TMEM101: variants seen among roughly 807,000 people sequenced by gnomAD.
TMEM101 encodes putative NF-kappa-B-activating protein 130.
Under a neutral mutation model 26.0 loss-of-function variants are expected in TMEM101, and 14 were observed. The ratio of observed to expected loss-of-function variants is 0.54; its 90% CI spans 0.36 to 0.84. The LOEUF (loss-of-function observed/expected upper bound fraction) is 0.84, where lower values mean the gene tolerates loss of function less well. Among genes scored for constraint, TMEM101 ranks in the 40% least tolerant of loss-of-function variants. The pLI is 0.01. For synonymous variants in TMEM101, 152 were observed against 145.1 expected (o/e 1.05, Z -0.34); for missense variants, 292 against 345.1 (o/e 0.85, Z 1.22).
chr17:44,023,050 G>T, exon 1 of TMEM101: 1 of 370,154 alleles, frequency 2.7e-6, no homozygotes, highest in East Asian at 1.1e-4. Flanking sequence ...AGACTATGGA[G>T]GATTCACCAC....
rs1243468595 is a variant in TMEM101 at position 44,011,629 on chromosome 17, C to G, written c.*299G>C. 4 of 418,578 alleles carry G rather than the reference C, an allele frequency of 9.6e-6. No individual in the cohort carries two copies. The highest frequency in any genetic ancestry group is 1.7e-5 in the Non-Finnish European group (4 of 231,604). The allele number at this position is 418,578 out of a possible 1,614,324, so 25.9% of individuals were successfully genotyped here. A position where few individuals can be genotyped will look rare whatever the true frequency, so the allele number is the denominator to read the frequency against. Reference sequence around the variant, plus strand: ...CTCTCCCACTCTCAGTAGCCGCATCCCAGCCCTGCCATACTCCCTTCTCAG... The same window carrying G: ...CTCTCCCACTCTCAGTAGCCGCATCGCAGCCCTGCCATACTCCCTTCTCAG... On this transcript the variant is annotated 3_prime_UTR_variant, in exon 4 of 4. Coordinates refer to ENST00000206380, the MANE Select transcript of TMEM101 (RefSeq NM_032376.4).
chr17:44,015,017 C>CGCA (rs2049214009), upstream of TMEM101: 2 of 1,533,768 alleles, frequency 1.3e-6, no homozygotes, highest in South Asian at 2.5e-5. Context: ...GGATGGGACA[C>CGCA]GCAGCTTCCG....
At chr17:44,014,787 G>A (rs772583060) in intron 1 of TMEM101, 29 bp downstream of exon 1, 5 of 1,535,328 alleles carry the variant, frequency 3.3e-6, no homozygotes, top group East Asian at 2.3e-5. Flanking sequence ...GCCCCCTGCC[G>A]CGTTTAGCGG....
upstream of TMEM101, among the ~76,000 whole-genome samples, chr17:44,015,875 T>A (rs1279954540): frequency 6.6e-6 from 1 of 152,100 alleles, no homozygotes; most frequent in Non-Finnish European, 1.5e-5. Context: ...AAAAAGGAGA[T>A]CTGAACATCT....
Position 44,012,120 on chromosome 17 carries a change from A to G in TMEM101, c.582T>C (p.Phe194=). 6.2e-7 allele frequency: 1 copy of G among 1,614,258 alleles called. No individual in the cohort carries two copies. The change falls in exon 4 of 4, where the codon TTT becomes TTC. Residue 194 remains phenylalanine, a synonymous_variant. Coordinates refer to ENST00000206380, the MANE Select transcript of TMEM101 (RefSeq NM_032376.4). The part of the protein sequence containing the change: ...FVLYGILALA[F]LSGYYVTLAA... ...CGAGGGTCACGTAGTAGCCTGACAG[A>G]AAGGCCAGGGCCAGGATGCCATACA...
At chr17:44,022,308 C>T (rs551230644) in intron 1 of TMEM101, among the ~76,000 whole-genome samples, 1 of 152,204 alleles carries the variant, frequency 6.6e-6, no homozygotes, top group African/African-American at 2.4e-5. Context: ...GAGATAGGAG[C>T]TGGGTTTGTA....
In TMEM101 at chr17:44,011,583, T is replaced by A. The variant is rs935834167; in HGVS notation, c.*345A>T. Reference sequence around the variant, plus strand: ...CACATTTGCTCACTTCCAATCTCCATCTTCCTTCCTCTGTCTCCCACTCTC... The same window carrying A: ...CACATTTGCTCACTTCCAATCTCCAACTTCCTTCCTCTGTCTCCCACTCTC... On this transcript the variant is annotated 3_prime_UTR_variant, in exon 4 of 4. Coordinates refer to ENST00000206380, the MANE Select transcript of TMEM101 (RefSeq NM_032376.4). 6 of 307,146 alleles carry A rather than the reference T, an allele frequency of 2.0e-5. No homozygotes were observed. The highest frequency in any genetic ancestry group is 1.3e-4 in the African/African-American group (6 of 46,046). 19.0% of individuals were successfully genotyped at this position (307,146 alleles called of 1,614,324 possible).
chr17:44,014,545 C>A lies in TMEM101; in HGVS notation c.138-8G>T. 6.4e-7 allele frequency: 1 copy of A among 1,567,994 alleles called. No homozygotes were observed. On this transcript the variant is annotated splice_polypyrimidine_tract_variant and splice_region_variant and intron_variant, in intron 1 of 3. Coordinates refer to ENST00000206380, the MANE Select transcript of TMEM101 (RefSeq NM_032376.4). The stretch of plus-strand genomic sequence containing the variant: ...ACTGGGATGTCGGGCTTCCTGCGAG[C>A]CGGGAGTGGGGAAGCAACGAGGACA...
chr17:44,019,494 G>C (rs1342404715), upstream of TMEM101: 4 of 173,150 alleles, frequency 2.3e-5, no homozygotes, highest in Non-Finnish European at 4.9e-5. Flanking sequence ...TCATGACCAG[G>C]CTCAAGGAAC....
chr17:44,011,850 G>A lies in TMEM101; in HGVS notation c.*78C>T. On this transcript the variant is annotated 3_prime_UTR_variant, in exon 4 of 4. Transcript: ENST00000206380. ...ACAGACCAAAAAGCATAAATAAACA[G>A]CAGCTGGGCCAGCAAGGAGGAAGGC... The A allele has an allele frequency of 7.2e-7, 1 of 1,394,046 alleles. No homozygotes were observed. The highest frequency in any genetic ancestry group is 9.8e-7 in the Non-Finnish European group (1 of 1,024,880). The allele number at this position is 1,394,046 out of a possible 1,614,324, so 86.4% of individuals were successfully genotyped here.
At chr17:44,016,417 C>T (rs553584980), upstream of TMEM101, among the ~76,000 whole-genome samples, 42 of 152,328 alleles carry the variant, frequency 2.8e-4, no homozygotes, top group African/African-American at 1.0e-3. Context: ...GCGATCCAAC[C>T]GCCTTGGCCT....
chr17:44,021,097 A>G (rs965393210), intron 2 of TMEM101, among the ~76,000 whole-genome samples: 1 of 152,192 alleles, frequency 6.6e-6, no homozygotes, highest in African/African-American at 2.4e-5. Flanking sequence ...CACTGTACCC[A>G]TATTTTAGCT....
chr17:44,017,086 C>A (rs961634926), upstream of TMEM101, among the ~76,000 whole-genome samples: 2 of 147,572 alleles, frequency 1.4e-5, no homozygotes, highest in African/African-American at 5.0e-5. Context: ...GGGCGGCGGA[C>A]CTTGCAGTGA....
intron 1 of TMEM101, among the ~76,000 whole-genome samples, chr17:44,022,627 C>T (rs1420483530): frequency 1.3e-5 from 2 of 152,230 alleles, no homozygotes; most frequent in Non-Finnish European, 2.9e-5. Context: ...CCCTGCAGCA[C>T]TTCACGCACA....
At chr17:44,021,900 T>C (rs1183371258) in intron 1 of TMEM101, among the ~76,000 whole-genome samples, 1 of 152,194 alleles carries the variant, frequency 6.6e-6, no homozygotes, top group Non-Finnish European at 1.5e-5. Flanking sequence ...CCTCTTCCCA[T>C]CTTGTTTCTG....
chr17:44,020,267 T>C (rs945899364), intron 2 of TMEM101, among the ~76,000 whole-genome samples: 7 of 152,182 alleles, frequency 4.6e-5, no homozygotes, highest in Non-Finnish European at 7.4e-5. Context: ...TATTGCCACC[T>C]GTAGGATTCG....
chr17:44,022,988 A>G (rs372399875), intron 1 of TMEM101: 1 of 220,138 alleles, frequency 4.5e-6, no homozygotes. Flanking sequence ...CAATAAGCAA[A>G]TTGCAATAGG....
At chr17:44,018,839 G>T (rs2049258309), upstream of TMEM101, among the ~76,000 whole-genome samples, 1 of 152,182 alleles carries the variant, frequency 6.6e-6, no homozygotes, top group Non-Finnish European at 1.5e-5. Context: ...CCTTCTCAGG[G>T]CTGAAGTCCC....
Position 44,014,961 on chromosome 17 carries a change from A to G in TMEM101, c.-9T>C. ...CCTATCTTCGACGCCATCTTGGGAA[A>G]GGGCAGTCCGCTGCGGCCTCACCCC... is the stretch of plus-strand genomic sequence containing the variant. On this transcript the variant is annotated 5_prime_UTR_variant, in exon 1 of 4. Transcript: ENST00000206380. The G allele has an allele frequency of 2.5e-6, 4 of 1,606,794 alleles. No homozygotes were observed. The highest frequency in any genetic ancestry group is 3.4e-6 in the Non-Finnish European group (4 of 1,175,804).
Sources: gnomAD v4.1 joint callset for allele counts (sites outside exome capture counted in the v4.1 genomes callset) on GRCh38, gnomAD v4.1.1 for gene constraint, MANE v1.5 for transcripts, NCBI Gene and HGNC (gene_info 2026-07-23, HGNC 2026-07-21) for gene names.